Variants in ODAD4 observed in about 807,000 individuals in gnomAD.
The protein encoded by ODAD4 is outer dynein arm-docking complex subunit 4.
A neutral mutation model predicts 51.8 loss-of-function variants in ODAD4; 49 were observed. The observed-to-expected ratio is 0.95, with a 90% CI of 0.75 to 1.20. ODAD4 has a LOEUF of 1.20. Ranked by LOEUF, ODAD4 falls within the 50% of genes most tolerant of loss-of-function variation. The pLI is 0.00. For missense variants in ODAD4, 590 were observed against 586.5 expected, an observed-to-expected ratio of 1.01 and a Z score of -0.06; for synonymous variants, 235 against 221.3, an observed-to-expected ratio of 1.06 and a Z score of -0.55.
intron 1 of ODAD4, among the ~76,000 whole-genome samples, chr17:41,931,909 TTTGTTG>T (rs56275098): frequency 1.1e-3 from 163 of 149,238 alleles, no homozygotes; most frequent in South Asian, 4.9e-3. Context: ...GGTGATGGTT[TTTGTTG>T]TTGTTGTTGT....
At chr17:41,959,053 C>T (rs1357196688) in intron 10 of ODAD4, among the ~76,000 whole-genome samples, 1 of 151,958 alleles carries the variant, frequency 6.6e-6, no homozygotes, top group Non-Finnish European at 1.5e-5. Context: ...ATGGGTGCTA[C>T]ATAATACAGA....
intron 7 of ODAD4, 73 bp downstream of exon 7, chr17:41,939,245 C>T (rs2050473732): frequency 2.1e-6 from 3 of 1,423,266 alleles, no homozygotes; most frequent in Non-Finnish European, 2.8e-6. Flanking sequence ...AGGCCCTTGC[C>T]AGGGCTGCTG....
chr17:41,945,374 T>TA, intron 8 of ODAD4, 152 bp downstream of exon 8: 1 of 627,848 alleles, frequency 1.6e-6, no homozygotes, highest in Non-Finnish European at 2.8e-6. Flanking sequence ...TAGCCGCGCA[T>TA]ACTGTCCTGT....
chr17:41,943,824 C>T (rs1056952462), intron 7 of ODAD4, among the ~76,000 whole-genome samples: 5 of 152,086 alleles, frequency 3.3e-5, no homozygotes, highest in African/African-American at 1.2e-4. Flanking sequence ...GACCTAGTTA[C>T]TCAGGAGGCT....
At chr17:41,933,397 T>A (rs1411364624) in intron 1 of ODAD4, among the ~76,000 whole-genome samples, 1 of 147,128 alleles carries the variant, frequency 6.8e-6, no homozygotes, top group Non-Finnish European at 1.5e-5. Context: ...ATGCCTGTAA[T>A]CCCAGCACTT....
chr17:41,944,300 G>T (rs1326189273), intron 7 of ODAD4, among the ~76,000 whole-genome samples: 1 of 151,846 alleles, frequency 6.6e-6, no homozygotes, highest in African/African-American at 2.4e-5. Context: ...GGAGGCGGAG[G>T]CTGCAGTGAG....
chr17:41,957,851 C>T (rs1411716849), intron 10 of ODAD4, among the ~76,000 whole-genome samples: 2 of 152,052 alleles, frequency 1.3e-5, no homozygotes, highest in Admixed American at 6.6e-5. Flanking sequence ...AGTGGTGTGA[C>T]TACAGCTCAC....
rs2050870797 is a variant in ODAD4 at position 41,965,472 on chromosome 17, G to A, written c.2008G>A (p.Glu670Lys). 1 of 771,026 alleles carries A rather than the reference G, an allele frequency of 1.3e-6. No homozygotes were observed. Among genetic ancestry groups the A allele is most frequent in the Admixed American group, 1.7e-5 (1 of 57,188 alleles). The allele number at this position is 771,026 out of a possible 1,614,324, so 47.8% of individuals were successfully genotyped here. The part of the protein sequence containing the change: ...TKKTGNEMEK[E>K]YE Reference sequence around the variant, plus strand: ...AAAAACAGGAAATGAGATGGAAAAGGAATATGAATGAAGCCATCGGTAGAG... The same window carrying A: ...AAAAACAGGAAATGAGATGGAAAAGAAATATGAATGAAGCCATCGGTAGAG... The change falls in exon 12 of 12, where the codon GAA (glutamate) becomes AAA (lysine). Residue 670 changes from glutamate to lysine, a missense_variant. Around this residue, in one of 3 missense-constraint regions of ODAD4, gnomAD observed 226 missense variants for 162.7 expected, o/e 1.39. Transcript: ENST00000377540.
intron 10 of ODAD4, among the ~76,000 whole-genome samples, chr17:41,959,117 C>T (rs1377805361): frequency 5.9e-5 from 9 of 152,146 alleles, no homozygotes; most frequent in Admixed American, 1.3e-4. Context: ...CTGGCCTAGA[C>T]TGTGTCAGGA....
intron 5 of ODAD4, among the ~76,000 whole-genome samples, chr17:41,938,159 C>A (rs1337229231): frequency 1.3e-5 from 2 of 152,242 alleles, no homozygotes; most frequent in African/African-American, 4.8e-5. Flanking sequence ...CAGCTTCCAG[C>A]ATGCACAGGC....
intron 7 of ODAD4, among the ~76,000 whole-genome samples, chr17:41,941,325 T>C (rs2050501825): frequency 6.6e-6 from 1 of 152,194 alleles, no homozygotes; most frequent in African/African-American, 2.4e-5. Flanking sequence ...TGACCTGGCT[T>C]TCTCCAGGCC....
chr17:41,952,890 C>T (rs2050678298), intron 9 of ODAD4, among the ~76,000 whole-genome samples: 1 of 151,934 alleles, frequency 6.6e-6, no homozygotes, highest in South Asian at 2.1e-4. Flanking sequence ...AGGTGCATGC[C>T]ACCATGCCTG....
chr17:41,934,680 G>A (rs782400837), intron 1 of ODAD4, among the ~76,000 whole-genome samples: 16 of 152,054 alleles, frequency 1.1e-4, no homozygotes, highest in South Asian at 4.1e-4. Context: ...CTTAATCCCC[G>A]GATATAGTGA....
chr17:41,948,423 C>A (rs1372508119), intron 8 of ODAD4, among the ~76,000 whole-genome samples: 1 of 150,388 alleles, frequency 6.6e-6, no homozygotes, highest in African/African-American at 2.5e-5. Context: ...CTTAAGCGAT[C>A]CCCCTACCTT....
At chr17:41,957,331 A>T (rs970105636) in intron 10 of ODAD4, among the ~76,000 whole-genome samples, 1 of 152,188 alleles carries the variant, frequency 6.6e-6, no homozygotes, top group East Asian at 1.9e-4. Context: ...ATCATCAGAC[A>T]TTAGATTCTC....
intron 7 of ODAD4, among the ~76,000 whole-genome samples, chr17:41,940,918 C>G (rs1255952136): frequency 6.6e-6 from 1 of 152,184 alleles, no homozygotes; most frequent in Non-Finnish European, 1.5e-5. Context: ...ATCTTCCTCC[C>G]AAACTTACTT....
chr17:41,942,043 G>A (rs911742883), intron 7 of ODAD4, among the ~76,000 whole-genome samples: 7 of 152,100 alleles, frequency 4.6e-5, no homozygotes, highest in Non-Finnish European at 5.9e-5. Flanking sequence ...CGCCTCCCTG[G>A]TTCAAGTGAT....
intron 11 of ODAD4, 90 bp from the exon 12 acceptor site, chr17:41,964,903 A>G: frequency 1.6e-6 from 1 of 613,854 alleles, no homozygotes; most frequent in Non-Finnish European, 2.9e-6. Flanking sequence ...TCAGCCTCCC[A>G]AAGTGCTGAG....
rs148731333 is a variant in ODAD4, at chr17:41,958,752, C to T, written c.1444-2630C>T. 7.4e-3 allele frequency among the ~76,000 whole-genome samples: 1,124 copies of T among 151,140 alleles called. 10 individuals carry two copies. Among genetic ancestry groups the T allele is most frequent in the Middle Eastern group, 0.043 (12 of 282 alleles). On this transcript the variant is annotated intron_variant, in intron 10 of 11. Transcript: ENST00000377540. ...TTATAGCCACATGTGAGGCCGGGTG[C>T]GGTGGCTCACACCTGTAATCCGAAC...
Sources: gnomAD v4.1 joint callset for allele counts (sites outside exome capture counted in the v4.1 genomes callset) on GRCh38, gnomAD v4.1.1 for gene constraint, gnomAD v4.1.1 regional missense constraint, MANE v1.5 for transcripts, NCBI Gene and HGNC (gene_info 2026-07-23, HGNC 2026-07-21) for gene names.